The following SNX29 variants were observed in gnomAD, a reference collection of about 807,000 sequenced individuals.
The protein encoded by SNX29 is sorting nexin-29.
In SNX29, 78 loss-of-function variants were observed where a neutral mutation model predicts 102.1. That is an observed-to-expected ratio of 0.76 (90% confidence interval 0.64 to 0.92). The LOEUF is 0.92. Ranked by LOEUF, SNX29 falls within the 40% of genes least tolerant of loss-of-function variation. The probability of loss-of-function intolerance (pLI) is 0.00; values close to 1 mark genes in which losing one functional copy is unlikely to be tolerated. For synonymous variants in SNX29, 580 were observed against 414.5 expected, an observed-to-expected ratio of 1.40 and a Z score of -4.85; for missense variants, 1,280 against 1,061.7, an observed-to-expected ratio of 1.21 and a Z score of -2.86.
chr16:12,140,516 C>A (rs868194785), intron 13 of SNX29, among the ~76,000 whole-genome samples: 1 of 152,232 alleles, frequency 6.6e-6, no homozygotes, highest in East Asian at 1.9e-4. Context: ...GGATGTTCCT[C>A]CCATCAGATT....
chr16:12,561,078 C>T (rs1359981751), intron 20 of SNX29: 2 of 225,004 alleles, frequency 8.9e-6, no homozygotes, highest in African/African-American at 4.5e-5. Flanking sequence ...TGATGGATGT[C>T]AGCATAGTTC....
At chr16:12,537,363 T>C (rs1006098398) in intron 20 of SNX29, among the ~76,000 whole-genome samples, 1 of 152,202 alleles carries the variant, frequency 6.6e-6, no homozygotes, top group Non-Finnish European at 1.5e-5. Flanking sequence ...ATTGGCAACT[T>C]GGTGCATGAC....
intron 14 of SNX29, among the ~76,000 whole-genome samples, chr16:12,244,467 G>A (rs1010602418): frequency 6.6e-6 from 1 of 152,058 alleles, no homozygotes; most frequent in Non-Finnish European, 1.5e-5. Context: ...AAATTAGCTG[G>A]GCATGGTGGT....
chr16:12,130,659 C>T (rs776109172), intron 13 of SNX29, among the ~76,000 whole-genome samples: 2 of 152,146 alleles, frequency 1.3e-5, no homozygotes, highest in South Asian at 4.1e-4. Flanking sequence ...GTCATTGTTA[C>T]TGTTCCCAGA....
chr16:12,422,178 C>A (rs188737948), intron 18 of SNX29, among the ~76,000 whole-genome samples: 1 of 152,214 alleles, frequency 6.6e-6, no homozygotes, highest in African/African-American at 2.4e-5. Flanking sequence ...GCTGTCTAGA[C>A]CTAGGTTTGC....
intron 14 of SNX29, among the ~76,000 whole-genome samples, chr16:12,238,516 G>A (rs1423827206): frequency 6.6e-6 from 1 of 152,126 alleles, no homozygotes; most frequent in Non-Finnish European, 1.5e-5. Context: ...TAGAGATGGG[G>A]TTTTACCATG....
At chr16:12,477,209 C>T (rs1253095149) in intron 18 of SNX29, among the ~76,000 whole-genome samples, 1 of 152,208 alleles carries the variant, frequency 6.6e-6, no homozygotes, top group African/African-American at 2.4e-5. Flanking sequence ...GGGCAGATCT[C>T]AGCTCTTGCC....
intron 15 of SNX29, among the ~76,000 whole-genome samples, chr16:12,342,628 A>G (rs374543892): frequency 1.4e-4 from 21 of 152,354 alleles, no homozygotes; most frequent in Middle Eastern, 3.4e-3. Context: ...CTTGAGTTGT[A>G]TATTGGCTCA....
At chr16:12,527,578 C>G (rs2076820630) in intron 20 of SNX29, among the ~76,000 whole-genome samples, 1 of 152,136 alleles carries the variant, frequency 6.6e-6, no homozygotes, top group African/African-American at 2.4e-5. Context: ...CCCATCTCAT[C>G]TCGTCTTCTG....
At chr16:11,977,916 C>G (rs1023889760) in intron 1 of SNX29, 3 of 152,206 alleles carry the variant, frequency 2.0e-5, no homozygotes, top group African/African-American at 7.2e-5. Flanking sequence ...GCCTGTTTTC[C>G]CCTCACTGTG....
At chr16:12,214,345 G>C (rs541207243) in intron 14 of SNX29, among the ~76,000 whole-genome samples, 18 of 152,338 alleles carry the variant, frequency 1.2e-4, no homozygotes, top group African/African-American at 4.3e-4. Flanking sequence ...TTTTGGGGCT[G>C]TCTCAGCATT....
chr16:12,496,529 T>TTTTTC lies in SNX29; in HGVS notation c.2178+18670_2178+18671insTTTTC, dbSNP rs1384093862. 3.9e-4 allele frequency among the ~76,000 whole-genome samples: 54 copies of TTTTTC among 139,858 alleles called. 1 individual carries two copies. The highest frequency in any genetic ancestry group is 1.3e-3 in the African/African-American group (50 of 38,478). 91.8% of individuals were successfully genotyped at this position (139,858 alleles called of 152,430 possible). ...TGGCTTTTTTTTTTTTTTTTTTTTT[T>TTTTTC]AAACCTAGTCTTGCTCTGTTTCCCA... On this transcript the variant is annotated intron_variant, in intron 19 of 20. Coordinates refer to ENST00000566228, the MANE Select transcript of SNX29 (RefSeq NM_032167.5).
chr16:12,263,214 C>G (rs2078832530), intron 14 of SNX29, among the ~76,000 whole-genome samples: 1 of 151,764 alleles, frequency 6.6e-6, no homozygotes, highest in African/African-American at 2.4e-5. Context: ...TCACTGCAAC[C>G]TCTGCCTCCT....
At chr16:12,037,563 G>A (rs1410309163) in intron 4 of SNX29, among the ~76,000 whole-genome samples, 1 of 152,140 alleles carries the variant, frequency 6.6e-6, no homozygotes, top group Non-Finnish European at 1.5e-5. Flanking sequence ...CCCTGGGTTA[G>A]CTGTCCACCC....
At chr16:12,064,078 G>A (rs951381694) in intron 9 of SNX29, among the ~76,000 whole-genome samples, 3 of 152,052 alleles carry the variant, frequency 2.0e-5, no homozygotes. Context: ...ACCTTGTCCC[G>A]TTCCCCATGG....
At chr16:12,100,113 A>G (rs1284465185) in intron 11 of SNX29, among the ~76,000 whole-genome samples, 5 of 152,096 alleles carry the variant, frequency 3.3e-5, no homozygotes, top group East Asian at 1.9e-4. Context: ...TTCAAAGCCC[A>G]CCTCTTAAAC....
At chr16:12,347,777 A>G (rs1327772075) in intron 15 of SNX29, among the ~76,000 whole-genome samples, 2 of 152,070 alleles carry the variant, frequency 1.3e-5, no homozygotes, top group East Asian at 3.9e-4. Context: ...CATTTGACAA[A>G]TAAGATACCA....
At chr16:12,548,245 C>G (rs766545954) in intron 20 of SNX29, among the ~76,000 whole-genome samples, 1 of 152,214 alleles carries the variant, frequency 6.6e-6, no homozygotes, top group Non-Finnish European at 1.5e-5. Flanking sequence ...GTTACATTTC[C>G]TTCCTTCTGG....
chr16:12,565,401 A>G (rs1395110777), intron 20 of SNX29, among the ~76,000 whole-genome samples: 1 of 151,448 alleles, frequency 6.6e-6, no homozygotes, highest in Non-Finnish European at 1.5e-5. Flanking sequence ...TCATCCACTC[A>G]ACTTGTCCCA....
Sources: allele counts gnomAD v4.1 joint callset (sites outside exome capture counted in the v4.1 genomes callset), GRCh38; gene constraint gnomAD v4.1.1; transcripts MANE v1.5; gene names NCBI Gene and HGNC (gene_info 2026-07-23, HGNC 2026-07-21).